Variants in TENM4 observed in about 807,000 individuals in gnomAD.
TENM4 encodes the protein teneurin transmembrane protein 4.
Under a neutral mutation model 243.3 loss-of-function variants are expected in TENM4, and 82 were observed. The ratio of observed to expected loss-of-function variants is 0.34; its 90% confidence interval spans 0.28 to 0.40. TENM4 has a LOEUF of 0.40. TENM4 is among the 10% of genes least tolerant of loss of function. The probability of loss-of-function intolerance (pLI) is 1.00; values close to 1 mark genes in which losing one functional copy is unlikely to be tolerated. For synonymous variants in TENM4, 1,412 were observed against 1,456.3 expected, an observed-to-expected ratio of 0.97 and a Z score of 0.69; for missense variants, 3,138 against 3,673.3, an observed-to-expected ratio of 0.85 and a Z score of 3.77.
intron 3 of TENM4, among the ~76,000 whole-genome samples, chr11:79,182,519 A>G (rs914015825): frequency 1.3e-5 from 2 of 152,206 alleles, no homozygotes; most frequent in African/African-American, 4.8e-5. Context: ...ATACGGTGAT[A>G]ATTTTTAGAT....
At chr11:78,725,829 T>C (rs767195788) in intron 23 of TENM4, among the ~76,000 whole-genome samples, 34 of 152,226 alleles carry the variant, frequency 2.2e-4, no homozygotes, top group South Asian at 8.3e-4. Context: ...TGGCACAACA[T>C]TGAAACTGCC....
At chr11:79,106,111 A>G (rs1213194205) in intron 4 of TENM4, among the ~76,000 whole-genome samples, 2 of 152,230 alleles carry the variant, frequency 1.3e-5, no homozygotes, top group Admixed American at 1.3e-4. Flanking sequence ...AGTGGAAATC[A>G]TTATCTCCTT....
chr11:78,841,158 A>G (rs1858250593), intron 12 of TENM4, among the ~76,000 whole-genome samples: 1 of 152,126 alleles, frequency 6.6e-6, no homozygotes. Context: ...TACCTTCATG[A>G]GTTGGGTACT....
At chr11:78,723,256 A>T (rs1260762171) in intron 23 of TENM4, among the ~76,000 whole-genome samples, 1 of 152,206 alleles carries the variant, frequency 6.6e-6, no homozygotes, top group African/African-American at 2.4e-5. Flanking sequence ...ATTCACCTAC[A>T]CTGCCTCTCA....
intron 28 of TENM4, among the ~76,000 whole-genome samples, chr11:78,695,487 C>T (rs1476083940): frequency 6.6e-6 from 1 of 152,126 alleles, no homozygotes; most frequent in Non-Finnish European, 1.5e-5. Flanking sequence ...CCTCAGCCTC[C>T]CGAGTAGCTG....
chr11:78,728,474 C>T (rs1276884398), intron 22 of TENM4, among the ~76,000 whole-genome samples: 2 of 151,780 alleles, frequency 1.3e-5, no homozygotes, highest in Non-Finnish European at 2.9e-5. Context: ...CTTCCCCCCT[C>T]TTCCTCCCTC....
chr11:78,934,901 A>T (rs191840827), intron 6 of TENM4, among the ~76,000 whole-genome samples: 61 of 146,496 alleles, frequency 4.2e-4, no homozygotes, highest in African/African-American at 1.2e-3. Context: ...GGAACTTTTG[A>T]TTTACTATGC....
rs370677547 is a variant in TENM4 at position 79,187,793 on chromosome 11, C to T, written c.-163+28015G>A. On this transcript the variant is annotated intron_variant, in intron 3 of 33. Coordinates refer to ENST00000278550, the MANE Select transcript of TENM4 (RefSeq NM_001098816.3). Reference sequence around the variant, plus strand: ...AGGACACAGATACACAGAGGAAAGACCATGTGAGGACATGGTGGGAAGACA... The same window carrying T: ...AGGACACAGATACACAGAGGAAAGATCATGTGAGGACATGGTGGGAAGACA... Among the ~76,000 whole-genome samples, 187 of 152,288 alleles carry T rather than the reference C, an allele frequency of 1.2e-3. 2 individuals are homozygous for T. The South Asian group carries it at 0.014, about 11-fold the overall frequency.
At chr11:79,294,387 T>C (rs909858358) in intron 2 of TENM4, among the ~76,000 whole-genome samples, 2 of 152,196 alleles carry the variant, frequency 1.3e-5, no homozygotes, top group Non-Finnish European at 2.9e-5. Flanking sequence ...AAGATGTCTC[T>C]TCTTCTGGGC....
chr11:78,708,972 T>A, intron 26 of TENM4, among the ~76,000 whole-genome samples: 1 of 142,632 alleles, frequency 7.0e-6, no homozygotes, highest in Admixed American at 6.7e-5. Flanking sequence ...TTTCTTTCTT[T>A]TTTTTTTTTT....
chr11:79,424,059 G>C (rs886474320), intron 1 of TENM4, among the ~76,000 whole-genome samples: 1 of 152,164 alleles, frequency 6.6e-6, no homozygotes, highest in African/African-American at 2.4e-5. Context: ...CATTAAAAAA[G>C]ATGGAACTAA....
rs759128952 is a variant in TENM4, at chr11:78,926,726, C to T, written c.494-23203G>A. ...GGCATAGCTTTAACATGAGATTTGACGTTAATATTATAGACACTTTGAAAA... is the reference window on the plus strand; with the variant it reads ...GGCATAGCTTTAACATGAGATTTGATGTTAATATTATAGACACTTTGAAAA... On this transcript the variant is annotated intron_variant, in intron 6 of 33. Coordinates refer to ENST00000278550, the MANE Select transcript of TENM4 (RefSeq NM_001098816.3). Among the ~76,000 whole-genome samples, 277 of 144,822 alleles carry T rather than the reference C, an allele frequency of 1.9e-3. 2 individuals are homozygous for T. Among genetic ancestry groups the T allele is most frequent in the Non-Finnish European group, 3.4e-3 (226 of 67,240 alleles).
intron 6 of TENM4, among the ~76,000 whole-genome samples, chr11:79,060,710 G>A (rs1009429821): frequency 2.0e-5 from 3 of 152,284 alleles, no homozygotes; most frequent in Admixed American, 1.3e-4. Flanking sequence ...TTGCTGACTC[G>A]CAGGCTATTG....
chr11:78,690,905 ACTGT>A (rs1422406301), intron 28 of TENM4, among the ~76,000 whole-genome samples: 3 of 152,188 alleles, frequency 2.0e-5, no homozygotes, highest in Non-Finnish European at 2.9e-5. Flanking sequence ...ATTCACTTGG[ACTGT>A]CTATTTTCCT....
At chr11:79,309,087 A>G (rs1056458412) in intron 1 of TENM4, among the ~76,000 whole-genome samples, 27 of 152,204 alleles carry the variant, frequency 1.8e-4, no homozygotes, top group African/African-American at 6.0e-4. Context: ...GCCCTTCTGA[A>G]AAAAGGAGCA....
chr11:78,783,133 A>G (rs929976753), intron 16 of TENM4, among the ~76,000 whole-genome samples: 1 of 152,218 alleles, frequency 6.6e-6, no homozygotes, highest in Non-Finnish European at 1.5e-5. Flanking sequence ...CCAAAATGTT[A>G]GTAGTGTTTT....
chr11:79,357,199 T>C (rs1201530423), intron 1 of TENM4, among the ~76,000 whole-genome samples: 1 of 152,224 alleles, frequency 6.6e-6, no homozygotes, highest in Non-Finnish European at 1.5e-5. Context: ...AACTGGCACA[T>C]GCCTTGTCTG....
intron 2 of TENM4, among the ~76,000 whole-genome samples, chr11:79,259,222 T>C (rs2135320074): frequency 6.6e-6 from 1 of 152,284 alleles, no homozygotes; most frequent in South Asian, 2.1e-4. Context: ...AAGGATCAAA[T>C]AAGATACAGA....
At chr11:79,150,128 C>A (rs542751244) in intron 3 of TENM4, among the ~76,000 whole-genome samples, 1 of 152,276 alleles carries the variant, frequency 6.6e-6, no homozygotes, top group East Asian at 1.9e-4. Flanking sequence ...CTCCTCACTC[C>A]TGCTCGGTTC....
Sources: gnomAD v4.1 joint callset for allele counts (sites outside exome capture counted in the v4.1 genomes callset) on GRCh38, gnomAD v4.1.1 for gene constraint, MANE v1.5 for transcripts, NCBI Gene and HGNC (gene_info 2026-07-23, HGNC 2026-07-21) for gene names.